MPHOSPH8: variants seen among roughly 807,000 people sequenced by gnomAD.
The protein encoded by MPHOSPH8 is M-phase phosphoprotein 8.
In MPHOSPH8, 45 loss-of-function variants were observed where a neutral mutation model predicts 87.3. The ratio of observed to expected loss-of-function variants is 0.52; its 90% confidence interval spans 0.41 to 0.66. The LOEUF is 0.66. Among genes scored for constraint, MPHOSPH8 ranks in the 30% least tolerant of loss-of-function variants. The pLI is 0.00. For synonymous variants in MPHOSPH8, 366 were observed against 376.9 expected, an observed-to-expected ratio of 0.97 and a Z score of 0.33; for missense variants, 883 against 1,020.2, an observed-to-expected ratio of 0.87 and a Z score of 1.83.
At chr13:19,654,166 G>C (rs1172610110) in intron 5 of MPHOSPH8, among the ~76,000 whole-genome samples, 1 of 152,284 alleles carries the variant, frequency 6.6e-6, no homozygotes, top group East Asian at 1.9e-4. Context: ...GAAAAGTCGG[G>C]TTACCCACAA....
rs1307053608 is a variant in MPHOSPH8, at chr13:19,670,265, G to A, written c.2359G>A (p.Ala787Thr). The A allele has an allele frequency of 6.2e-7, 1 of 1,614,136 alleles. No homozygotes were observed. Among genetic ancestry groups the A allele is most frequent in the East Asian group, 2.2e-5 (1 of 44,880 alleles). The change falls in exon 12 of 14, where the codon GCA becomes ACA. Residue 787 changes from alanine to threonine, a missense_variant. By Grantham distance (58) the Ala-to-Thr change is moderately conservative (BLOSUM62 0). Coordinates refer to ENST00000361479, the MANE Select transcript of MPHOSPH8 (RefSeq NM_017520.4). ...GSGILLFIFH[A>T]NFLGKEVIAR... ...TGGCATCCTGCTGTTTATCTTCCAT[G>A]CAAACTTTTTGGGTAAAGAAGTTAT...
intron 1 of MPHOSPH8, among the ~76,000 whole-genome samples, chr13:19,640,403 C>T (rs1874224957): frequency 1.3e-5 from 2 of 152,132 alleles, no homozygotes; most frequent in South Asian, 4.1e-4. Flanking sequence ...ACAAGGTGAG[C>T]AAAAACAGGA....
intron 4 of MPHOSPH8, among the ~76,000 whole-genome samples, chr13:19,649,012 GA>G (rs1046264632): frequency 2.0e-5 from 3 of 152,178 alleles, no homozygotes; most frequent in Non-Finnish European, 4.4e-5. Context: ...CTAAGAGATG[GA>G]TGCTTTTCCT....
rs751307901 is a variant in MPHOSPH8, at chr13:19,646,438, T to G, written c.370-5T>G. Reference sequence around the variant, plus strand: ...GAATATTTTAATCTGTTTTGTATTTTATAGAGACTATCCTTAAATAACGAC... The same window carrying G: ...GAATATTTTAATCTGTTTTGTATTTGATAGAGACTATCCTTAAATAACGAC... On this transcript the variant is annotated splice_polypyrimidine_tract_variant and splice_region_variant and intron_variant, in intron 2 of 13. Coordinates refer to ENST00000361479, the MANE Select transcript of MPHOSPH8 (RefSeq NM_017520.4). 33 of 1,464,266 alleles carry G rather than the reference T, an allele frequency of 2.3e-5. No individual in the cohort carries two copies. Among genetic ancestry groups the G allele is most frequent in the Non-Finnish European group, 3.0e-5 (33 of 1,110,914 alleles). 90.7% of individuals were successfully genotyped at this position (1,464,266 alleles called of 1,614,324 possible). A position where few individuals can be genotyped will look rare whatever the true frequency, so the allele number is the denominator to read the frequency against.
chr13:19,660,054 C>T (rs566826915), intron 7 of MPHOSPH8, among the ~76,000 whole-genome samples: 13 of 150,572 alleles, frequency 8.6e-5, no homozygotes, highest in East Asian at 2.0e-4. Flanking sequence ...CTCCGCCTCC[C>T]GGGTTCACGC....
chr13:19,673,049 T>TGTCTC lies in MPHOSPH8; in HGVS notation c.*1175_*1179dup, dbSNP rs1331400996. The TGTCTC allele has an allele frequency of 9.1e-6, 4 of 441,760 alleles. No individual in the cohort carries two copies. In the Admixed American group the frequency reaches 1.0e-4, roughly 11 times the overall value. 27.4% of individuals were successfully genotyped at this position (441,760 alleles called of 1,614,324 possible). Reference sequence around the variant, plus strand: ...CAGCCTGAGTGACAGAATGAGACCTTGTCTCAAAAAAAAAAAAAAGTTTCT... The same window carrying TGTCTC: ...CAGCCTGAGTGACAGAATGAGACCTTGTCTCGTCTCAAAAAAAAAAAAAAGTTTCT... On this transcript the variant is annotated 3_prime_UTR_variant, in exon 14 of 14. Coordinates refer to ENST00000361479, the MANE Select transcript of MPHOSPH8 (RefSeq NM_017520.4).
At chr13:19,665,817 G>T (rs1875783979) in intron 9 of MPHOSPH8, among the ~76,000 whole-genome samples, 1 of 152,226 alleles carries the variant, frequency 6.6e-6, no homozygotes, top group South Asian at 2.1e-4. Flanking sequence ...AAGTCACGTG[G>T]CTAATAAGTG....
chr13:19,666,786 A>G (rs1035851999), intron 10 of MPHOSPH8, among the ~76,000 whole-genome samples: 12 of 152,246 alleles, frequency 7.9e-5, no homozygotes, highest in African/African-American at 1.9e-4. Context: ...GAAAATTTCA[A>G]ACTTAACACT....
At chr13:19,663,363 G>A (rs532119976) in intron 9 of MPHOSPH8, among the ~76,000 whole-genome samples, 11 of 152,244 alleles carry the variant, frequency 7.2e-5, no homozygotes, top group Non-Finnish European at 1.5e-5. Context: ...TCACAGGGAA[G>A]TGCTCCGAGC....
rs1483235919 is a variant in MPHOSPH8 at position 19,650,276 on chromosome 13, T to C, written c.1576+16T>C. On this transcript the variant is annotated intron_variant, in intron 5 of 13. Transcript: ENST00000361479. The stretch of plus-strand genomic sequence containing the variant: ...GAGAATTCAGGTGAGTTTGGAATCA[T>C]TTTGCAGAATTTTTCAAGGTAGTGC... The C allele has an allele frequency of 1.2e-6, 2 of 1,607,240 alleles. No individual in the cohort carries two copies. Among genetic ancestry groups the C allele is most frequent in the East Asian group, 2.2e-5 (1 of 44,804 alleles).
In MPHOSPH8 at chr13:19,642,156, G is replaced by A. The variant is rs200927123; in HGVS notation, c.255G>A (p.Ser85=). 43 of 1,608,278 alleles carry A rather than the reference G, an allele frequency of 2.7e-5. No individual in the cohort carries two copies. In the African/African-American group the frequency reaches 3.4e-4, roughly 13 times the overall value. ...LYKVRWKGYT[S]DDDTWEPEIH... is the part of the protein sequence containing the mutation. ...AAGTTCGCTGGAAAGGCTATACATC[G>A]GATGATGATACCTGGGAGCCCGAGA... Residue 85 remains serine, a synonymous_variant, in exon 2 of 14, where the codon TCG becomes TCA. Coordinates refer to ENST00000361479, the MANE Select transcript of MPHOSPH8 (RefSeq NM_017520.4).
chr13:19,656,662 A>G (rs1317681054), intron 5 of MPHOSPH8, among the ~76,000 whole-genome samples: 1 of 151,944 alleles, frequency 6.6e-6, no homozygotes, highest in Non-Finnish European at 1.5e-5. Flanking sequence ...CGGGAGGCTG[A>G]GGCAGGAGAA....
Position 19,642,274 on chromosome 13 carries a change from C to G in MPHOSPH8, c.369+4C>G, listed in dbSNP as rs370126684. The G allele has an allele frequency of 3.2e-5, 51 of 1,578,558 alleles. No individual in the cohort carries two copies. Among genetic ancestry groups the G allele is most frequent in the Non-Finnish European group, 4.4e-5 (51 of 1,168,512 alleles). Reference sequence around the variant, plus strand: ...AGCAGTCAGGAAGGATATTCAGGTACTATGTTTTGTCTCATATTTGTTTTT... The same window carrying G: ...AGCAGTCAGGAAGGATATTCAGGTAGTATGTTTTGTCTCATATTTGTTTTT... On this transcript the variant is annotated splice_donor_region_variant and intron_variant, in intron 2 of 13. Transcript: ENST00000361479.
At chr13:19,634,408 C>G (rs1257260487) in intron 1 of MPHOSPH8, among the ~76,000 whole-genome samples, 1 of 152,172 alleles carries the variant, frequency 6.6e-6, no homozygotes, top group African/African-American at 2.4e-5. Flanking sequence ...AGTAAAATCT[C>G]AATCTTACCC....
chr13:19,672,780 C>G lies in MPHOSPH8; in HGVS notation c.*905C>G, dbSNP rs1185857165. On this transcript the variant is annotated 3_prime_UTR_variant, in exon 14 of 14. Coordinates refer to ENST00000361479, the MANE Select transcript of MPHOSPH8 (RefSeq NM_017520.4). Reference sequence around the variant, plus strand: ...TGTAGTAAGAATGTAAACCAGTACACTATGAGACCTAAAAGAGAGTATTAA... The same window carrying G: ...TGTAGTAAGAATGTAAACCAGTACAGTATGAGACCTAAAAGAGAGTATTAA... 4.4e-6 allele frequency: 1 copy of G among 227,922 alleles called. No homozygotes were observed. The highest frequency in any genetic ancestry group is 9.7e-5 in the East Asian group (1 of 10,282). The allele number at this position is 227,922 out of a possible 1,614,324, so 14.1% of individuals were successfully genotyped here.
At position 19,659,294 on chromosome 13, in the gene MPHOSPH8, T is replaced by TA; in HGVS notation, c.1791+6dup. Reference sequence around the variant, plus strand: ...GAATATAACCTGGACCAAGAGGTAATATGTCGTTGAAAAATCTCATGAAAG... The same window carrying TA: ...GAATATAACCTGGACCAAGAGGTAATAATGTCGTTGAAAAATCTCATGAAAG... On this transcript the variant is annotated splice_donor_region_variant and intron_variant, in intron 7 of 13. Transcript: ENST00000361479. 1 of 1,586,312 alleles carries TA rather than the reference T, an allele frequency of 6.3e-7. No homozygotes were observed. Among genetic ancestry groups the TA allele is most frequent in the Non-Finnish European group, 8.6e-7 (1 of 1,164,464 alleles).
intron 11 of MPHOSPH8, 137 bp from the exon 12 acceptor site, chr13:19,670,099 T>G: frequency 9.9e-7 from 1 of 1,014,192 alleles, no homozygotes. Flanking sequence ...GCCAGCCTCC[T>G]CTGAGCCTCC....
intron 13 of MPHOSPH8, 50 bp downstream of exon 13, chr13:19,671,339 A>G: frequency 6.6e-7 from 1 of 1,521,446 alleles, no homozygotes; most frequent in Non-Finnish European, 9.1e-7. Flanking sequence ...TTGTTGCTCC[A>G]GATTACTTTA....
intron 12 of MPHOSPH8, 81 bp from the exon 13 acceptor site, chr13:19,671,125 A>T: frequency 6.5e-7 from 1 of 1,534,190 alleles, no homozygotes; most frequent in Non-Finnish European, 8.7e-7. Context: ...CTTATTTATG[A>T]TTCTTTTACA....
Sources: allele counts gnomAD v4.1 joint callset (sites outside exome capture counted in the v4.1 genomes callset), GRCh38; gene constraint gnomAD v4.1.1; transcripts MANE v1.5; gene names NCBI Gene and HGNC (gene_info 2026-07-23, HGNC 2026-07-21).